CAV1: variants seen among roughly 807,000 people sequenced by gnomAD.
The protein encoded by CAV1 is caveolin-1.
In CAV1, 10 loss-of-function variants were observed where a neutral mutation model predicts 16.5. That is an observed-to-expected ratio of 0.61 (90% CI 0.37 to 1.03). The LOEUF is 1.03. Among genes scored for constraint, CAV1 ranks in the 50% least tolerant of loss-of-function variants. CAV1 has a pLI of 0.01. For synonymous variants in CAV1, 76 were observed against 85.1 expected (o/e 0.89, Z 0.59); for missense variants, 212 against 232.8 (o/e 0.91, Z 0.58).
rs1562830009 is a variant in CAV1 at position 116,534,386 on chromosome 7, TATATA to T, written c.195+7698_195+7702del. 2.3e-3 allele frequency among the ~76,000 whole-genome samples: 33 copies of T among 14,408 alleles called. 1 individual carries two copies. In the East Asian group the frequency reaches 0.04, roughly 17 times the overall value. The allele number at this position is 14,408 out of a possible 152,430, so 9.5% of individuals were successfully genotyped here. A position where few individuals can be genotyped will look rare whatever the true frequency, so the allele number is the denominator to read the frequency against. On this transcript the variant is annotated intron_variant, in intron 2 of 2. Coordinates refer to ENST00000341049, the MANE Select transcript of CAV1 (RefSeq NM_001753.5). ...AGATATATATATATATATATATATA[TATATA>T]TATATTTTTTTTTTTTTTTTTTTTT...
chr7:116,532,500 A>G (rs953745253), intron 2 of CAV1, among the ~76,000 whole-genome samples: 3 of 152,158 alleles, frequency 2.0e-5, no homozygotes, highest in East Asian at 1.9e-4. Flanking sequence ...TTATACAAAG[A>G]TGGTTTATTC....
rs542747533 is a variant in CAV1 at position 116,536,332 on chromosome 7, C to T, written c.195+9643C>T. The stretch of plus-strand genomic sequence containing the variant: ...CCATGTGTGATGACCCAATCAGGCT[C>T]AGGTGTGGACTGAGTAGTTAAATTA... On this transcript the variant is annotated intron_variant, in intron 2 of 2. Transcript: ENST00000341049. Among the ~76,000 whole-genome samples, 6 of 152,236 alleles carry T rather than the reference C, an allele frequency of 3.9e-5. No individual in the cohort carries two copies. The South Asian group carries it at 6.2e-4, about 16-fold the overall frequency.
intron 2 of CAV1, among the ~76,000 whole-genome samples, chr7:116,535,577 T>A (rs777585034): frequency 6.6e-6 from 1 of 152,146 alleles, no homozygotes; most frequent in African/African-American, 2.4e-5. Context: ...TAAACCATTG[T>A]TTAGGGTGGG....
intron 2 of CAV1, among the ~76,000 whole-genome samples, chr7:116,542,124 T>C (rs1160555794): frequency 1.3e-5 from 2 of 152,204 alleles, no homozygotes; most frequent in African/African-American, 4.8e-5. Context: ...GCATTGTATA[T>C]ACCAAAAGGT....
chr7:116,530,994 T>G (rs150519818), intron 2 of CAV1, among the ~76,000 whole-genome samples: 41 of 152,292 alleles, frequency 2.7e-4, no homozygotes, highest in African/African-American at 9.1e-4. Context: ...ATGAAGACAA[T>G]GCGAAGTGGC....
At chr7:116,558,866 T>A (rs1183218414) in intron 2 of CAV1, 80 bp from the exon 3 acceptor site, 18 of 1,035,986 alleles carry the variant, frequency 1.7e-5, no homozygotes, top group Admixed American at 5.9e-5. Context: ...ATACAGTATA[T>A]GTCTATGGAT....
In CAV1 at chr7:116,536,636, G is replaced by A. The variant is rs1793822724; in HGVS notation, c.195+9947G>A. On this transcript the variant is annotated intron_variant, in intron 2 of 2. Transcript: ENST00000341049. Reference sequence around the variant, plus strand: ...TACTAGCAGAAGCCAGAGCAGCAGGGCCTTCCTTGTCCAGCAAAGGCATTT... The same window carrying A: ...TACTAGCAGAAGCCAGAGCAGCAGGACCTTCCTTGTCCAGCAAAGGCATTT... Among the ~76,000 whole-genome samples the A allele has an allele frequency of 2.0e-5, 3 of 152,192 alleles. No homozygotes were observed. The South Asian group carries it at 6.2e-4, about 32-fold the overall frequency.
intron 2 of CAV1, among the ~76,000 whole-genome samples, chr7:116,555,054 G>A (rs1016833062): frequency 6.6e-6 from 1 of 152,148 alleles, no homozygotes; most frequent in Non-Finnish European, 1.5e-5. Flanking sequence ...ATTACAAATA[G>A]AAATTAGCTC....
chr7:116,525,373 C>T (rs1247590519), intron 1 of CAV1: 45 of 1,530,314 alleles, frequency 2.9e-5, no homozygotes, highest in Non-Finnish European at 3.8e-5. Context: ...CTGTTGGGCC[C>T]AGGACGCGTT....
intron 2 of CAV1, among the ~76,000 whole-genome samples, chr7:116,549,140 G>A (rs1032141720): frequency 6.6e-6 from 1 of 152,098 alleles, no homozygotes; most frequent in Non-Finnish European, 1.5e-5. Flanking sequence ...GGGAAAACAT[G>A]AGGAAAAGTG....
chr7:116,527,927 T>C (rs1039059762), intron 2 of CAV1, among the ~76,000 whole-genome samples: 12 of 152,186 alleles, frequency 7.9e-5, no homozygotes, highest in African/African-American at 2.2e-4. Context: ...AAAAGGAAAA[T>C]TGGAGCATTT....
intron 2 of CAV1, among the ~76,000 whole-genome samples, chr7:116,544,193 G>A (rs1793995618): frequency 6.6e-6 from 1 of 152,076 alleles, no homozygotes; most frequent in South Asian, 2.1e-4. Context: ...TCACCTTTTT[G>A]CCAAAATTAT....
intron 2 of CAV1, among the ~76,000 whole-genome samples, chr7:116,558,668 G>A (rs1212022127): frequency 2.0e-5 from 3 of 151,808 alleles, no homozygotes; most frequent in African/African-American, 7.3e-5. Context: ...CAGACAGATT[G>A]CTTGAGCCTG....
chr7:116,544,517 A>AT (rs1181729454), intron 2 of CAV1, among the ~76,000 whole-genome samples: 2 of 152,182 alleles, frequency 1.3e-5, no homozygotes, highest in East Asian at 3.8e-4. Flanking sequence ...AAATAAATAA[A>AT]TAAATAAAAG....
At chr7:116,556,332 A>G (rs1263598916) in intron 2 of CAV1, among the ~76,000 whole-genome samples, 1 of 152,252 alleles carries the variant, frequency 6.6e-6, no homozygotes, top group Non-Finnish European at 1.5e-5. Context: ...TGTTGCAGTT[A>G]CCAGAGGGTT....
chr7:116,559,015 T>C lies in CAV1; in HGVS notation c.265T>C (p.Phe89Leu). ...HSFDGIWKASFTTFTVTKYWF... is the reference protein window; with the variant it reads ...HSFDGIWKASLTTFTVTKYWF... The stretch of plus-strand genomic sequence containing the variant: ...TTTTGACGGCATTTGGAAGGCCAGC[T>C]TCACCACCTTCACTGTGACGAAATA... The change falls in exon 3 of 3, where the codon TTC becomes CTC. Residue 89 changes from phenylalanine to leucine, a missense_variant. By Grantham distance (22) the Phe-to-Leu change is conservative. Coordinates refer to ENST00000341049, the MANE Select transcript of CAV1 (RefSeq NM_001753.5). The C allele has an allele frequency of 6.2e-7, 1 of 1,613,926 alleles. No homozygotes were observed.
chr7:116,551,365 A>G (rs554269439), intron 2 of CAV1, among the ~76,000 whole-genome samples: 1 of 152,326 alleles, frequency 6.6e-6, no homozygotes, highest in Admixed American at 6.5e-5. Flanking sequence ...ATTCAGGTAT[A>G]TGAGCTGATA....
At chr7:116,528,232 G>A (rs1290628524) in intron 2 of CAV1, among the ~76,000 whole-genome samples, 1 of 152,112 alleles carries the variant, frequency 6.6e-6, no homozygotes, top group Non-Finnish European at 1.5e-5. Flanking sequence ...CCCGGGATGA[G>A]TCAGAGAGGC....
chr7:116,551,392 A>C (rs1301482619), intron 2 of CAV1, among the ~76,000 whole-genome samples: 1 of 152,252 alleles, frequency 6.6e-6, no homozygotes, highest in African/African-American at 2.4e-5. Flanking sequence ...CCGAAACACT[A>C]TCTATAGCCT....
Sources: gnomAD v4.1 joint callset for allele counts (sites outside exome capture counted in the v4.1 genomes callset) on GRCh38, gnomAD v4.1.1 for gene constraint, MANE v1.5 for transcripts, NCBI Gene and HGNC (gene_info 2026-07-23, HGNC 2026-07-21) for gene names.